Variants in AIRIM observed in about 807,000 individuals in gnomAD.
AIRIM encodes AFG2-interacting ribosome maturation factor.
At chr1:37,686,380 G>C in the AIRIM span, 2 of 1,614,140 alleles carry the variant, frequency 1.2e-6, no homozygotes, top group South Asian at 2.2e-5. Flanking sequence ...CTGTGTCTGC[G>C]TGTTGCTCAT....
At chr1:37,681,916 G>A in the AIRIM span, 9 of 152,178 alleles carry the variant, frequency 5.9e-5, no homozygotes, top group Non-Finnish European at 7.4e-5. Flanking sequence ...ATGATAGCAC[G>A]TTTGTTCTTT....
the AIRIM span, chr1:37,682,048 T>C: frequency 1.3e-5 from 2 of 152,136 alleles, no homozygotes; most frequent in Admixed American, 6.5e-5. Flanking sequence ...TGAGACCCTA[T>C]CTATATTAAA....
the AIRIM span, chr1:37,689,993 T>C: frequency 6.9e-7 from 1 of 1,439,460 alleles, no homozygotes; most frequent in Non-Finnish European, 9.1e-7. Flanking sequence ...CAGACAGGAG[T>C]TGTCTCACCT....
chr1:37,682,017 GGAGT>G, the AIRIM span: 1 of 152,110 alleles, frequency 6.6e-6, no homozygotes, highest in Non-Finnish European at 1.5e-5. Flanking sequence ...CTTGAGCTCA[GGAGT>G]GAGCTGGGCA....
chr1:37,687,134 G>GT, the AIRIM span, among the ~76,000 whole-genome samples: 9 of 147,554 alleles, frequency 6.1e-5, no homozygotes, highest in African/African-American at 2.2e-4. Flanking sequence ...TTTGTTTTTT[G>GT]TTTTTTTATT....
the AIRIM span, chr1:37,686,143 C>G: frequency 2.4e-6 from 2 of 824,350 alleles, no homozygotes; most frequent in South Asian, 3.8e-5. Flanking sequence ...CAAAGGAATG[C>G]AGGAAGAATC....
At chr1:37,685,143 C>T in the AIRIM span, among the ~76,000 whole-genome samples, 1 of 136,272 alleles carries the variant, frequency 7.3e-6, no homozygotes, top group Non-Finnish European at 1.5e-5. Flanking sequence ...TCCTGTTACT[C>T]CTTAATCAAG....
the AIRIM span, chr1:37,683,067 T>C: frequency 2.6e-6 from 4 of 1,556,242 alleles, no homozygotes; most frequent in African/African-American, 4.1e-5. Flanking sequence ...ACATCAGGGT[T>C]CAGAATGTCA....
chr1:37,689,462 C>T, the AIRIM span: 1 of 989,806 alleles, frequency 1.0e-6, no homozygotes, highest in Non-Finnish European at 1.4e-6. Context: ...GTCCCACTGC[C>T]CCAGATGAAG....
At chr1:37,682,945 G>A in the AIRIM span, 3 of 648,272 alleles carry the variant, frequency 4.6e-6, no homozygotes, top group South Asian at 4.0e-5. Flanking sequence ...CTGGCATGCT[G>A]CAGCTCCAAA....
At chr1:37,683,736 G>A in the AIRIM span, 143 of 262,240 alleles carry the variant, frequency 5.5e-4, no homozygotes, top group African/African-American at 2.9e-3. Context: ...TAAAGCTAGC[G>A]GAGGTTCAGA....
the AIRIM span, among the ~76,000 whole-genome samples, chr1:37,685,331 T>G: frequency 6.7e-6 from 1 of 148,990 alleles, no homozygotes; most frequent in Non-Finnish European, 1.5e-5. Context: ...CACCTCAGCC[T>G]CCTGAGTAGC....
the AIRIM span, chr1:37,686,382 G>A: frequency 6.2e-7 from 1 of 1,614,140 alleles, no homozygotes; most frequent in Non-Finnish European, 8.5e-7. Context: ...GTGTCTGCGT[G>A]TTGCTCATAG....
the AIRIM span, chr1:37,683,908 G>A: frequency 6.1e-6 from 1 of 162,986 alleles, no homozygotes; most frequent in East Asian, 1.8e-4. Flanking sequence ...AAGGCTGAAA[G>A]GTGGGCTGAG....
At chr1:37,687,002 G>A in the AIRIM span, among the ~76,000 whole-genome samples, 2 of 151,998 alleles carry the variant, frequency 1.3e-5, no homozygotes, top group Non-Finnish European at 2.9e-5. Flanking sequence ...GTTGCAGTGA[G>A]CCAAGTTCGC....
the AIRIM span, chr1:37,689,542 C>T: frequency 6.7e-7 from 1 of 1,501,076 alleles, no homozygotes; most frequent in Non-Finnish European, 9.0e-7. Flanking sequence ...CTGACACTAG[C>T]TACATATAAA....
At chr1:37,686,193 G>T in the AIRIM span, 1 of 1,368,982 alleles carries the variant, frequency 7.3e-7, no homozygotes, top group Non-Finnish European at 9.8e-7. Context: ...AAACTACTTA[G>T]TTTTCCAATC....
chr1:37,689,743 C>T, the AIRIM span: 2 of 1,613,880 alleles, frequency 1.2e-6, no homozygotes, highest in South Asian at 2.2e-5. Context: ...GCAGCTGTTC[C>T]GCCAGGTTGC....
At chr1:37,687,448 T>A in the AIRIM span, among the ~76,000 whole-genome samples, 5 of 146,134 alleles carry the variant, frequency 3.4e-5, no homozygotes, top group Admixed American at 6.8e-5. Flanking sequence ...TATTTTTTTT[T>A]AATTAAAACA....
Sources: gnomAD v4.1 joint callset for allele counts (sites outside exome capture counted in the v4.1 genomes callset) on GRCh38, gnomAD v4.1.1 for gene constraint, MANE v1.5 for transcripts, NCBI Gene and HGNC (gene_info 2026-07-23, HGNC 2026-07-21) for gene names.